TSPEAR: variants seen among roughly 807,000 people sequenced by gnomAD.
TSPEAR encodes thrombospondin type laminin G domain and EAR repeats.
A neutral mutation model predicts 71.6 loss-of-function variants in TSPEAR; 69 were observed. The observed-to-expected ratio is 0.96, with a 90% CI of 0.79 to 1.18. The LOEUF is 1.18. Ranked by LOEUF, TSPEAR falls within the 50% of genes most tolerant of loss-of-function variation. The pLI is 0.00. For synonymous variants in TSPEAR, 402 were observed against 387.2 expected (o/e 1.04, Z -0.45); for missense variants, 971 against 894.9 (o/e 1.09, Z -1.09).
In TSPEAR at chr21:44,522,324, C is replaced by A. The variant is rs2052752130; in HGVS notation, c.1337-212G>T. ...TCTGGGCCATCACAGGTGCTATTCC[C>A]ATATGGAAATGCTTGGTGGCCCCCA... On this transcript the variant is annotated intron_variant, in intron 8 of 11. Coordinates refer to ENST00000323084, the MANE Select transcript of TSPEAR (RefSeq NM_144991.3). 1.3e-5 allele frequency among the ~76,000 whole-genome samples: 2 copies of A among 152,228 alleles called. 1 individual carries two copies. The highest frequency in any genetic ancestry group is 4.8e-5 in the African/African-American group (2 of 41,470).
At chr21:44,652,130 C>A (rs1273488803) in intron 1 of TSPEAR, among the ~76,000 whole-genome samples, 1 of 152,026 alleles carries the variant, frequency 6.6e-6, no homozygotes, top group African/African-American at 2.4e-5. Context: ...AGTACAGGTG[C>A]CTGCCACCTC....
At chr21:44,571,428 C>T (rs2053795097) in intron 1 of TSPEAR, among the ~76,000 whole-genome samples, 2 of 152,238 alleles carry the variant, frequency 1.3e-5, no homozygotes, top group South Asian at 2.1e-4. Flanking sequence ...GGAAACCCCT[C>T]CCTCTAAGAT....
intron 1 of TSPEAR, among the ~76,000 whole-genome samples, chr21:44,584,557 T>C (rs1979217476): frequency 6.6e-6 from 1 of 152,230 alleles, no homozygotes. Context: ...CATAGGCACA[T>C]AGAATCTCTT....
chr21:44,575,901 G>T (rs1193641021), intron 1 of TSPEAR, among the ~76,000 whole-genome samples: 6 of 152,158 alleles, frequency 3.9e-5, no homozygotes, highest in Admixed American at 3.9e-4. Flanking sequence ...CAGGGAAGTA[G>T]GACTCCCTCT....
Position 44,521,976 on chromosome 21 carries a change from C to G in TSPEAR, c.1473G>C (p.Val491=), listed in dbSNP as rs781801711. The G allele has an allele frequency of 6.2e-7, 1 of 1,614,144 alleles. No individual in the cohort carries two copies. The highest frequency in any genetic ancestry group is 1.1e-5 in the South Asian group (1 of 91,090). ...FFSVGPYSFL[V]VANTFNGTST... ...AGGTGCCGTTGAAGGTGTTGGCCACCACCAGGAACGAGTAGGGCCCCACAC... is the reference window on the plus strand; with the variant it reads ...AGGTGCCGTTGAAGGTGTTGGCCACGACCAGGAACGAGTAGGGCCCCACAC... The change falls in exon 9 of 12, where the codon GTG becomes GTC. Residue 491 remains valine (V), a synonymous_variant. Transcript: ENST00000323084.
intron 1 of TSPEAR, chr21:44,658,368 A>T (rs367981676): frequency 2.5e-6 from 3 of 1,196,300 alleles, no homozygotes. Context: ...GATGAAAAGC[A>T]TGCCCAAGGA....
intron 1 of TSPEAR, among the ~76,000 whole-genome samples, chr21:44,611,447 C>A (rs187240863): frequency 5.4e-4 from 82 of 152,240 alleles, no homozygotes; most frequent in African/African-American, 1.6e-3. Flanking sequence ...CAGCTCCCAC[C>A]AAGATTCTGC....
Position 44,509,191 on chromosome 21 carries a change from G to A in TSPEAR, c.1754+8C>T, listed in dbSNP as rs1271644724. The A allele has an allele frequency of 2.5e-6, 4 of 1,612,610 alleles. No individual in the cohort carries two copies. The highest frequency in any genetic ancestry group is 3.3e-5 in the Admixed American group (2 of 59,972). Reference sequence around the variant, plus strand: ...GCCCACCTCCCACTGGCCTGTGGAGGCGCATACCTGCAGGTGAGAATGTCC... The same window carrying A: ...GCCCACCTCCCACTGGCCTGTGGAGACGCATACCTGCAGGTGAGAATGTCC... On this transcript the variant is annotated splice_region_variant and intron_variant, in intron 10 of 11. Transcript: ENST00000323084.
intron 11 of TSPEAR, among the ~76,000 whole-genome samples, chr21:44,501,423 A>G (rs1349342372): frequency 2.0e-5 from 3 of 152,104 alleles, no homozygotes; most frequent in South Asian, 2.1e-4. Context: ...GTGAAACCCC[A>G]TCTCTACTAA....
Position 44,612,415 on chromosome 21 carries a change from GC to G in TSPEAR, c.83-44411del, listed in dbSNP as rs1555931325. On this transcript the variant is annotated intron_variant, in intron 1 of 11. Coordinates refer to ENST00000323084, the MANE Select transcript of TSPEAR (RefSeq NM_144991.3). This position sits in a 1 kb window ranked among gnomAD's most constrained non-coding sequence, Gnocchi z 4.1. ...CATGCTGCCAGCAGTCTAGCTGCCA[GC>G]CGGCTTGCTGCACCTCCTCCCCCTG... is the stretch of plus-strand genomic sequence containing the variant. 6.2e-7 allele frequency: 1 copy of G among 1,614,064 alleles called. No individual in the cohort carries two copies. Among genetic ancestry groups the G allele is most frequent in the Non-Finnish European group, 8.5e-7 (1 of 1,180,012 alleles).
At chr21:44,707,663 G>C (rs1988004882) in intron 1 of TSPEAR, among the ~76,000 whole-genome samples, 2 of 152,168 alleles carry the variant, frequency 1.3e-5, no homozygotes, top group South Asian at 4.1e-4. Flanking sequence ...GACAATTTGC[G>C]CTTCAGGAGT....
At position 44,508,760 on chromosome 21, in the gene TSPEAR, G is replaced by GA. The variant is rs1305180356; in HGVS notation, c.1754+438dup. 28 of 1,280,458 alleles carry GA rather than the reference G, an allele frequency of 2.2e-5. No individual in the cohort carries two copies. The South Asian group carries it at 2.8e-4, about 13-fold the overall frequency. The allele number at this position is 1,280,458 out of a possible 1,614,324, so 79.3% of individuals were successfully genotyped here. A position where few individuals can be genotyped will look rare whatever the true frequency, so the allele number is the denominator to read the frequency against. Reference sequence around the variant, plus strand: ...CCGTGTCCTGGTGTTTGTTGTCGGGGAGGATGCAACATCGGGGGAAGGAAG... The same window carrying GA: ...CCGTGTCCTGGTGTTTGTTGTCGGGGAAGGATGCAACATCGGGGGAAGGAAG... On this transcript the variant is annotated intron_variant, in intron 10 of 11. Transcript: ENST00000323084.
rs113059777 is a variant in TSPEAR, at chr21:44,527,357, C to T, written c.1084G>A (p.Val362Ile). 78 of 1,614,172 alleles carry T rather than the reference C, an allele frequency of 4.8e-5. 1 individual carries two copies. The highest frequency in any genetic ancestry group is 2.9e-4 in the African/African-American group (22 of 75,034). Reference sequence around the variant, plus strand: ...TGCGTGGGGATGTTCTGATATGAGACGAACTTCTCTTCGGTCCACTTGTAG... The same window carrying T: ...TGCGTGGGGATGTTCTGATATGAGATGAACTTCTCTTCGGTCCACTTGTAG... Reference protein sequence around the residue: ...AVYKWTEEKFVSYQNIPTHQA... With the variant: ...AVYKWTEEKFISYQNIPTHQA... Residue 362 changes from valine (V) to isoleucine (I), a missense_variant, in exon 7 of 12, where the codon GTC becomes ATC. Coordinates refer to ENST00000323084, the MANE Select transcript of TSPEAR (RefSeq NM_144991.3).
At chr21:44,698,495 G>C (rs1423667980) in intron 1 of TSPEAR, among the ~76,000 whole-genome samples, 8 of 152,186 alleles carry the variant, frequency 5.3e-5, no homozygotes. Flanking sequence ...AGCCCAGCAG[G>C]CAAGTCCGTC....
In TSPEAR at chr21:44,601,004, T is replaced by C. The variant is rs377276673; in HGVS notation, c.83-32999A>G. On this transcript the variant is annotated intron_variant, in intron 1 of 11. Transcript: ENST00000323084. ...TGCAAGCCTGTGTACTGTGTGCCTG[T>C]CTGCAGTGGGGATTCTTCATGCTGC... 2.5e-6 allele frequency: 4 copies of C among 1,610,482 alleles called. No homozygotes were observed. The African/African-American group carries it at 4.1e-5, about 17-fold the overall frequency.
chr21:44,562,658 G>C (rs1213738845), intron 2 of TSPEAR, among the ~76,000 whole-genome samples: 4 of 152,072 alleles, frequency 2.6e-5, no homozygotes, highest in African/African-American at 9.7e-5. Flanking sequence ...ACCATAAGAA[G>C]AGCAACAGTT....
At chr21:44,536,135 T>C (rs2053087228) in intron 2 of TSPEAR, among the ~76,000 whole-genome samples, 1 of 152,210 alleles carries the variant, frequency 6.6e-6, no homozygotes, top group Non-Finnish European at 1.5e-5. Context: ...TTGTGTTCCA[T>C]GGCTGATGGA....
chr21:44,571,592 G>A (rs116430631), intron 1 of TSPEAR, among the ~76,000 whole-genome samples: 252 of 152,238 alleles, frequency 1.7e-3, no homozygotes, highest in African/African-American at 5.3e-3. Flanking sequence ...CTAGAGAAGC[G>A]TCTGATTCCA....
rs1214465442 is a variant in TSPEAR at position 44,642,060 on chromosome 21, A to G, written c.82+69373T>C. Among the ~76,000 whole-genome samples the G allele has an allele frequency of 6.6e-6, 1 of 152,246 alleles. No homozygotes were observed. The highest frequency in any genetic ancestry group is 1.5e-5 in the Non-Finnish European group (1 of 68,042). On this transcript the variant is annotated intron_variant, in intron 1 of 11. Coordinates refer to ENST00000323084, the MANE Select transcript of TSPEAR (RefSeq NM_144991.3). The surrounding 1 kb of genome is among the most constrained non-coding windows in gnomAD (Gnocchi z 4.1). Reference sequence around the variant, plus strand: ...AGACATGAAAGATGGAAAAAGAAGTATGCTCACAGATTCAGAGATTTTCCT... The same window carrying G: ...AGACATGAAAGATGGAAAAAGAAGTGTGCTCACAGATTCAGAGATTTTCCT...
Sources: allele counts gnomAD v4.1 joint callset (sites outside exome capture counted in the v4.1 genomes callset), GRCh38; gene constraint gnomAD v4.1.1; non-coding constraint Gnocchi (gnomAD v3.1); transcripts MANE v1.5; gene names NCBI Gene and HGNC (gene_info 2026-07-23, HGNC 2026-07-21).